Variants in RSRC1 observed in about 807,000 individuals in gnomAD.
RSRC1 encodes arginine and serine rich coiled-coil 1, also known as serine/Arginine-related protein 53.
In RSRC1, 39 loss-of-function variants were observed where a neutral mutation model predicts 49.1. The observed-to-expected ratio is 0.79, with a 90% CI of 0.61 to 1.04. The LOEUF (loss-of-function observed/expected upper bound fraction) is 1.04. Ranked by LOEUF, RSRC1 falls within the 50% of genes least tolerant of loss-of-function variation. The probability of loss-of-function intolerance (pLI) is 0.00; values close to 1 mark genes in which losing one functional copy is unlikely to be tolerated. For missense variants in RSRC1, 388 were observed against 402.4 expected, an observed-to-expected ratio of 0.96 and a Z score of 0.31; for synonymous variants, 143 against 130.8, an observed-to-expected ratio of 1.09 and a Z score of -0.63.
intron 7 of RSRC1, chr3:158,496,731 C>A: frequency 3.5e-6 from 1 of 288,600 alleles, no homozygotes; most frequent in South Asian, 3.9e-5. Context: ...CTGTGTATGT[C>A]ATGTTGGTGG....
At chr3:158,119,853 T>TA (rs1715131003) in intron 1 of RSRC1, among the ~76,000 whole-genome samples, 1 of 108,086 alleles carries the variant, frequency 9.3e-6, no homozygotes, top group African/African-American at 3.8e-5. Context: ...TTTTTTGAGA[T>TA]AGAGTCTCGC....
At chr3:158,277,919 T>C (rs933613253) in intron 4 of RSRC1, among the ~76,000 whole-genome samples, 40 of 152,258 alleles carry the variant, frequency 2.6e-4, no homozygotes, top group African/African-American at 9.6e-4. Context: ...CACCTAGTAG[T>C]TGGGATTATA....
At chr3:158,378,850 G>T (rs1426301407) in intron 6 of RSRC1, among the ~76,000 whole-genome samples, 1 of 152,158 alleles carries the variant, frequency 6.6e-6, no homozygotes, top group Admixed American at 6.6e-5. Context: ...CTCAAAAGCA[G>T]TGAGGTACCA....
intron 6 of RSRC1, among the ~76,000 whole-genome samples, chr3:158,440,086 A>G (rs1382904447): frequency 6.6e-6 from 1 of 152,150 alleles, no homozygotes; most frequent in African/African-American, 2.4e-5. Flanking sequence ...ATACCTATGT[A>G]ACAAACCTGC....
chr3:158,536,996 T>C, intron 7 of RSRC1, 96 bp from the exon 8 acceptor site: 1 of 738,150 alleles, frequency 1.4e-6, no homozygotes, highest in East Asian at 2.6e-5. Context: ...TGTCTTTTTA[T>C]CCAATTAAAT....
intron 5 of RSRC1, chr3:158,302,713 G>A (rs566277933): frequency 6.9e-4 from 86 of 123,804 alleles, no homozygotes; most frequent in African/African-American, 2.6e-3. Flanking sequence ...CCAGGCAGGA[G>A]AGCAGTGGTG....
At chr3:158,262,417 A>G (rs1323326233) in intron 4 of RSRC1, among the ~76,000 whole-genome samples, 1 of 152,222 alleles carries the variant, frequency 6.6e-6, no homozygotes, top group East Asian at 1.9e-4. Flanking sequence ...CTTCGTAAAA[A>G]AAATCAGTTG....
intron 5 of RSRC1, among the ~76,000 whole-genome samples, chr3:158,337,117 T>G (rs1015672787): frequency 6.6e-6 from 1 of 152,218 alleles, no homozygotes; most frequent in Non-Finnish European, 1.5e-5. Context: ...GCTGCTCTTA[T>G]GAAGAACAGG....
chr3:158,266,453 C>T (rs375999686), intron 4 of RSRC1, among the ~76,000 whole-genome samples: 3 of 152,174 alleles, frequency 2.0e-5, no homozygotes, highest in African/African-American at 7.2e-5. Context: ...AGAAAGTATG[C>T]TTTGTAAGAC....
At chr3:158,385,515 C>T (rs1732924441) in intron 6 of RSRC1, among the ~76,000 whole-genome samples, 1 of 152,038 alleles carries the variant, frequency 6.6e-6, no homozygotes, top group South Asian at 2.1e-4. Flanking sequence ...TTTTCCCTAC[C>T]TGGTTTCATT....
intron 5 of RSRC1, among the ~76,000 whole-genome samples, chr3:158,338,276 T>A (rs780630860): frequency 5.8e-4 from 89 of 152,318 alleles, no homozygotes; most frequent in Non-Finnish European, 1.0e-3. Context: ...TCAGATGAAT[T>A]TGCTATCAAG....
intron 6 of RSRC1, among the ~76,000 whole-genome samples, chr3:158,437,201 A>G (rs924062947): frequency 1.3e-5 from 2 of 151,938 alleles, no homozygotes; most frequent in African/African-American, 4.8e-5. Context: ...GTAACCAGAA[A>G]TCAGTATAAA....
chr3:158,110,880 C>T (rs1054485370), intron 1 of RSRC1, among the ~76,000 whole-genome samples: 6 of 152,226 alleles, frequency 3.9e-5, no homozygotes, highest in Non-Finnish European at 5.9e-5. Context: ...TGTTACAATG[C>T]ACCGTAAGGC....
At chr3:158,147,456 C>T (rs1027479694) in intron 3 of RSRC1, among the ~76,000 whole-genome samples, 6 of 151,938 alleles carry the variant, frequency 3.9e-5, no homozygotes, top group African/African-American at 1.4e-4. Context: ...TACCTATCTC[C>T]ACATTTAAGC....
intron 3 of RSRC1, among the ~76,000 whole-genome samples, chr3:158,174,254 G>C (rs1391051847): frequency 6.6e-6 from 1 of 151,664 alleles, no homozygotes; most frequent in Admixed American, 6.6e-5. Flanking sequence ...TTAATGAGTT[G>C]AGCTTTCAAA....
intron 7 of RSRC1, chr3:158,469,376 CTG>C (rs1326304138): frequency 4.4e-6 from 2 of 451,946 alleles, no homozygotes; most frequent in South Asian, 1.6e-5. Flanking sequence ...TTAAAGGAAA[CTG>C]TGCTGCAAAA....
intron 7 of RSRC1, among the ~76,000 whole-genome samples, chr3:158,517,755 ATTTTTTTTTTTTTTTTTTTTT>A (rs766129663): frequency 1.7e-4 from 6 of 35,174 alleles, no homozygotes; most frequent in Admixed American, 3.9e-4. Flanking sequence ...CACCCAGCTA[ATTTTTTTTTTTTTTTTTTTTT>A]TTTTTTTTTT....
chr3:158,542,050 A>G (rs988143034), intron 8 of RSRC1, among the ~76,000 whole-genome samples: 2 of 152,148 alleles, frequency 1.3e-5, no homozygotes, highest in Non-Finnish European at 2.9e-5. Context: ...TTTGCCAAAG[A>G]TACATCGTAC....
intron 4 of RSRC1, among the ~76,000 whole-genome samples, chr3:158,291,118 T>C (rs557796403): frequency 6.6e-6 from 1 of 152,202 alleles, no homozygotes; most frequent in Non-Finnish European, 1.5e-5. Flanking sequence ...GGAGGGCCAC[T>C]TGGGCCCAGG....
Sources: gnomAD v4.1 joint callset for allele counts (sites outside exome capture counted in the v4.1 genomes callset) on GRCh38, gnomAD v4.1.1 for gene constraint, MANE v1.5 for transcripts, NCBI Gene and HGNC (gene_info 2026-07-23, HGNC 2026-07-21) for gene names.